The following RXRA variants were observed in gnomAD, a reference collection of about 807,000 sequenced individuals.
RXRA encodes the protein retinoid X receptor alpha.
Under a neutral mutation model 44.5 loss-of-function variants are expected in RXRA, and 5 were observed. The observed-to-expected ratio is 0.11, with a 90% CI of 0.06 to 0.24. RXRA has a LOEUF of 0.24. Among genes scored for constraint, RXRA ranks in the 10% least tolerant of loss-of-function variants. The pLI, the probability that RXRA is intolerant of heterozygous loss-of-function variation, is 1.00. For synonymous variants in RXRA, 291 were observed against 271.4 expected, an observed-to-expected ratio of 1.07 and a Z score of -0.71; for missense variants, 412 against 646.5, an observed-to-expected ratio of 0.64 and a Z score of 3.93.
chr9:134,331,411 T>C (rs1835003695), intron 1 of RXRA, among the ~76,000 whole-genome samples: 1 of 152,164 alleles, frequency 6.6e-6, no homozygotes, highest in African/African-American at 2.4e-5. Flanking sequence ...CGTGCAGGGC[T>C]TGGGTGTGTG....
chr9:134,423,871 TCCCACCCCACCCCAA>T (rs1465217335), intron 6 of RXRA: 3 of 972,964 alleles, frequency 3.1e-6, no homozygotes, highest in Non-Finnish European at 2.4e-6. Context: ...AGGGCGGTGC[TCCCACCCCACCCCAA>T]CCCACCAGAC....
At chr9:134,430,610 A>G (rs996323527) in intron 7 of RXRA, among the ~76,000 whole-genome samples, 2 of 147,402 alleles carry the variant, frequency 1.4e-5, no homozygotes, top group Non-Finnish European at 3.0e-5. Flanking sequence ...AGGACTTGTC[A>G]GGGCCTTTAA....
intron 1 of RXRA, among the ~76,000 whole-genome samples, chr9:134,363,634 G>T (rs1830379924): frequency 6.6e-6 from 1 of 152,230 alleles, no homozygotes; most frequent in African/African-American, 2.4e-5. Flanking sequence ...GGCAGGACGG[G>T]CACTGTGCCG....
chr9:134,427,670 G>A lies in RXRA; in HGVS notation c.911-1438G>A, dbSNP rs563648469. Among the ~76,000 whole-genome samples the A allele has an allele frequency of 2.1e-4, 32 of 152,304 alleles. No individual in the cohort carries two copies. In the South Asian group the frequency reaches 6.2e-3, roughly 30 times the overall value. ...AATGGGGACGGTGACACCTGCCCCC[G>A]GGTTCCCCATGACAGGGTGGGTATG... On this transcript the variant is annotated intron_variant, in intron 6 of 9. Transcript: ENST00000481739.
At chr9:134,359,468 T>C (rs1216319749) in intron 1 of RXRA, among the ~76,000 whole-genome samples, 1 of 152,054 alleles carries the variant, frequency 6.6e-6, no homozygotes, top group Admixed American at 6.5e-5. Flanking sequence ...CTCCACCGGG[T>C]GCGCCCTCAC....
intron 7 of RXRA, among the ~76,000 whole-genome samples, chr9:134,429,476 C>G (rs1314415655): frequency 6.6e-6 from 1 of 152,254 alleles, no homozygotes; most frequent in Non-Finnish European, 1.5e-5. Context: ...TCCATCTCTT[C>G]TTTTTTCACG....
chr9:134,353,461 T>C (rs1830245847), intron 1 of RXRA, among the ~76,000 whole-genome samples: 1 of 152,170 alleles, frequency 6.6e-6, no homozygotes, highest in African/African-American at 2.4e-5. Flanking sequence ...TAAGCTGGTG[T>C]CCCGTCATGT....
intron 1 of RXRA, among the ~76,000 whole-genome samples, chr9:134,338,540 T>A (rs1830041599): frequency 6.6e-6 from 1 of 152,200 alleles, no homozygotes; most frequent in Non-Finnish European, 1.5e-5. Flanking sequence ...CACGTGCGTC[T>A]GGCCGCAGTC....
chr9:134,421,656 CTCT>C lies in RXRA; in HGVS notation c.781-14_781-12del. 6.4e-7 allele frequency: 1 copy of C among 1,552,656 alleles called. No homozygotes were observed. Among genetic ancestry groups the C allele is most frequent in the Non-Finnish European group, 8.7e-7 (1 of 1,144,908 alleles). ...CTGGCTTCTGGGACTGAATGTCCTG[CTCT>C]TCTTCCTCCACTGCAGCCGAACGAC... On this transcript the variant is annotated splice_polypyrimidine_tract_variant and intron_variant, in intron 5 of 9. Transcript: ENST00000481739.
chr9:134,350,738 G>A (rs548844676), intron 1 of RXRA, among the ~76,000 whole-genome samples: 11 of 152,360 alleles, frequency 7.2e-5, no homozygotes, highest in African/African-American at 2.6e-4. Flanking sequence ...GCCTTCTGCC[G>A]AGGTGGGTGG....
At chr9:134,427,111 C>T in intron 6 of RXRA, 1 of 984,426 alleles carries the variant, frequency 1.0e-6, no homozygotes. Flanking sequence ...ATTGAGGGGG[C>T]CTCTTCTAGA....
At chr9:134,344,653 C>T (rs1414509536) in intron 1 of RXRA, among the ~76,000 whole-genome samples, 1 of 152,148 alleles carries the variant, frequency 6.6e-6, no homozygotes, top group African/African-American at 2.4e-5. Flanking sequence ...CTGCGTAGCG[C>T]CCTCTGTGGC....
chr9:134,420,305 G>A (rs1564293832), intron 5 of RXRA, among the ~76,000 whole-genome samples: 1 of 152,252 alleles, frequency 6.6e-6, no homozygotes. Flanking sequence ...CAGCCTGGCT[G>A]TGGCAGGCCT....
chr9:134,385,942 G>T (rs183713102), intron 1 of RXRA, among the ~76,000 whole-genome samples: 14 of 152,252 alleles, frequency 9.2e-5, no homozygotes, highest in Non-Finnish European at 1.6e-4. Flanking sequence ...GACCATCTGC[G>T]GCACCAGCTG....
At chr9:134,411,033 A>G (rs948498028) in intron 4 of RXRA, among the ~76,000 whole-genome samples, 1 of 152,224 alleles carries the variant, frequency 6.6e-6, no homozygotes, top group Non-Finnish European at 1.5e-5. Context: ...AGACGCAGGC[A>G]GGCAGGAGGG....
chr9:134,338,068 C>T (rs1268563148), intron 1 of RXRA, among the ~76,000 whole-genome samples: 3 of 152,106 alleles, frequency 2.0e-5, no homozygotes, highest in Non-Finnish European at 4.4e-5. Flanking sequence ...GGGCGGTCAG[C>T]GGCAGCCACA....
At chr9:134,383,778 C>T (rs931387761) in intron 1 of RXRA, among the ~76,000 whole-genome samples, 5 of 152,172 alleles carry the variant, frequency 3.3e-5, no homozygotes, top group African/African-American at 1.2e-4. Context: ...CTGTGATCCT[C>T]ACTCCAGGCA....
rs944873301 is a variant in RXRA, at chr9:134,425,138, G to A, written c.910+3333G>A. On this transcript the variant is annotated intron_variant, in intron 6 of 9. Transcript: ENST00000481739. ...CACCTGTGGCTCGCGGTGACACTGA[G>A]TGGGGGTGCAGTGGCCACAGCCCTG... 4.1e-6 allele frequency: 4 copies of A among 985,282 alleles called. No homozygotes were observed. The Admixed American group carries it at 2.5e-4, about 61-fold the overall frequency. 61.0% of individuals were successfully genotyped at this position (985,282 alleles called of 1,614,324 possible).
rs940219139 is a variant in RXRA at position 134,363,110 on chromosome 9, C to T, written c.28+36451C>T. Among the ~76,000 whole-genome samples the T allele has an allele frequency of 7.2e-5, 11 of 152,304 alleles. No homozygotes were observed. The South Asian group carries it at 1.2e-3, about 17-fold the overall frequency. ...CCAAGTTCAGTAAGTTCACTTTCCC[C>T]GGGGGCTGTTGGGTGCCATGTTCTC... On this transcript the variant is annotated intron_variant, in intron 1 of 9. Coordinates refer to ENST00000481739, the MANE Select transcript of RXRA (RefSeq NM_002957.6).
Sources: gnomAD v4.1 joint callset for allele counts (sites outside exome capture counted in the v4.1 genomes callset) on GRCh38, gnomAD v4.1.1 for gene constraint, MANE v1.5 for transcripts, NCBI Gene and HGNC (gene_info 2026-07-23, HGNC 2026-07-21) for gene names.